GALNT14: variants seen among roughly 807,000 people sequenced by gnomAD.
The protein encoded by GALNT14 is UDP-GalNAc:polypeptide N-acetylgalactosaminyltransferase 14.
GALNT14 carries 60 observed loss-of-function variants against 77.5 expected under a neutral mutation model. That is an observed-to-expected ratio of 0.77 (90% CI 0.63 to 0.96). The LOEUF is 0.96. Ranked by LOEUF, GALNT14 falls within the 40% of genes least tolerant of loss-of-function variation. GALNT14 has a pLI of 0.00. For missense variants in GALNT14, 710 were observed against 731.0 expected, an observed-to-expected ratio of 0.97 and a Z score of 0.33; for synonymous variants, 280 against 281.7, an observed-to-expected ratio of 0.99 and a Z score of 0.06.
intron 9 of GALNT14, among the ~76,000 whole-genome samples, chr2:30,940,281 T>G (rs1480062821): frequency 6.6e-6 from 1 of 152,150 alleles, no homozygotes; most frequent in African/African-American, 2.4e-5. Context: ...TGTGTTAACA[T>G]TGCTATAAGG....
intron 1 of GALNT14, among the ~76,000 whole-genome samples, chr2:30,995,294 G>A (rs1669961490): frequency 6.6e-6 from 1 of 152,024 alleles, no homozygotes; most frequent in Non-Finnish European, 1.5e-5. Context: ...TACCTTTTCT[G>A]TTTTGATATG....
chr2:31,120,929 G>A (rs1343924777), intron 1 of GALNT14, among the ~76,000 whole-genome samples: 1 of 152,194 alleles, frequency 6.6e-6, no homozygotes, highest in Non-Finnish European at 1.5e-5. Flanking sequence ...CACTGTGTTA[G>A]GACCATTCCT....
intron 2 of GALNT14, 40 bp downstream of exon 2, chr2:30,992,798 T>C: frequency 6.2e-7 from 1 of 1,602,712 alleles, no homozygotes; most frequent in Middle Eastern, 1.7e-4. Flanking sequence ...TTGATCTCTT[T>C]TGACTGCGGG....
chr2:30,896,613 T>G, the GALNT14 span, among the ~76,000 whole-genome samples: 1 of 152,214 alleles, frequency 6.6e-6, no homozygotes, highest in Admixed American at 6.5e-5. Flanking sequence ...GCAAGCACTG[T>G]ATAAGTGGTT....
In GALNT14 at chr2:31,093,055, G is replaced by A. The variant is rs145537324; in HGVS notation, c.129+44903C>T. On this transcript the variant is annotated intron_variant, in intron 1 of 14. Coordinates refer to ENST00000349752, the MANE Select transcript of GALNT14 (RefSeq NM_024572.4). ...TCCTGTCTGAGGTTCGTTCCATCAG[G>A]GTCCTTTACCTAAGAACTTGAGAGC... Among the ~76,000 whole-genome samples the A allele has an allele frequency of 7.7e-3, 1,170 of 152,242 alleles. 23 individuals are homozygous for A. The highest frequency in any genetic ancestry group is 0.039 in the Admixed American group (597 of 15,292).
At chr2:30,992,816 G>A (rs777929256) in intron 2 of GALNT14, 22 bp downstream of exon 2, 2 of 1,610,062 alleles carry the variant, frequency 1.2e-6, no homozygotes, top group South Asian at 1.1e-5. Context: ...GGGGGTAACA[G>A]AGTGGGAGAA....
At chr2:31,123,181 C>CAAAA (rs11397679) in intron 1 of GALNT14, among the ~76,000 whole-genome samples, 24 of 96,666 alleles carry the variant, frequency 2.5e-4, no homozygotes, top group South Asian at 8.6e-4. Context: ...GACTCCATCT[C>CAAAA]AAAAAAAAAA....
At chr2:30,963,311 G>A (rs1355388031) in intron 3 of GALNT14, among the ~76,000 whole-genome samples, 1 of 152,228 alleles carries the variant, frequency 6.6e-6, no homozygotes, top group Non-Finnish European at 1.5e-5. Context: ...GCTGACGCCT[G>A]ATGCCTCTGC....
At chr2:30,890,332 G>A in the GALNT14 span, among the ~76,000 whole-genome samples, 8 of 152,150 alleles carry the variant, frequency 5.3e-5, no homozygotes, top group Non-Finnish European at 1.2e-4. Context: ...AATCAGTCAG[G>A]AGACTGAGCT....
At chr2:31,078,903 G>T (rs987023446) in intron 1 of GALNT14, 13 of 1,288,794 alleles carry the variant, frequency 1.0e-5, no homozygotes, top group Non-Finnish European at 1.3e-5. Context: ...GACCAGGAGA[G>T]CAAAGGACTA....
rs1056018670 is a variant in GALNT14, at chr2:31,132,953, T to C, written c.129+5005A>G. ...CAGATCCTACACTGGGTGGATCAGC[T>C]AGCGCCACCCAGATCGATAAACTGG... On this transcript the variant is annotated intron_variant, in intron 1 of 14. Coordinates refer to ENST00000349752, the MANE Select transcript of GALNT14 (RefSeq NM_024572.4). Among the ~76,000 whole-genome samples, 8 of 152,154 alleles carry C rather than the reference T, an allele frequency of 5.3e-5. 1 individual carries two copies. Among genetic ancestry groups the C allele is most frequent in the Admixed American group, 4.6e-4 (7 of 15,280 alleles).
At chr2:31,089,511 C>T (rs73921466) in intron 1 of GALNT14, among the ~76,000 whole-genome samples, 349 of 152,226 alleles carry the variant, frequency 2.3e-3, no homozygotes, top group African/African-American at 8.1e-3. Context: ...TTTCTGGAGA[C>T]GGACACGTTT....
intron 1 of GALNT14, among the ~76,000 whole-genome samples, chr2:31,030,226 G>T (rs1197716781): frequency 1.3e-5 from 2 of 152,128 alleles, no homozygotes; most frequent in African/African-American, 4.8e-5. Context: ...GATCTGTGGG[G>T]ACTGGTGCCA....
the GALNT14 span, among the ~76,000 whole-genome samples, chr2:30,898,488 G>A: frequency 4.6e-5 from 7 of 152,236 alleles, no homozygotes; most frequent in South Asian, 4.1e-4. Context: ...TCAATCTCAC[G>A]GTAAAATTAT....
rs1553351610 is a variant in GALNT14, at chr2:30,989,579, T to TATATATATATATATATATATACAC, written c.299+3258_299+3259insGTGTATATATATATATATATATAT. ...AATACCTTATATATATATATATATA[T>TATATATATATATATATATATACAC]ATAAAAATATATATATTAGTAGATA... On this transcript the variant is annotated intron_variant, in intron 2 of 14. Transcript: ENST00000349752. Among the ~76,000 whole-genome samples the TATATATATATATATATATATACAC allele has an allele frequency of 4.7e-5, 6 of 127,194 alleles. No homozygotes were observed. The South Asian group carries it at 7.1e-4, about 15-fold the overall frequency. The allele number at this position is 127,194 out of a possible 152,430, so 83.4% of individuals were successfully genotyped here.
At chr2:31,056,112 C>T (rs1674191837) in intron 1 of GALNT14, among the ~76,000 whole-genome samples, 1 of 152,198 alleles carries the variant, frequency 6.6e-6, no homozygotes, top group African/African-American at 2.4e-5. Flanking sequence ...TCATGAAATG[C>T]AGATCCCCAG....
chr2:31,098,356 T>C (rs1310067712), intron 1 of GALNT14, among the ~76,000 whole-genome samples: 6 of 152,186 alleles, frequency 3.9e-5, no homozygotes, highest in Non-Finnish European at 8.8e-5. Flanking sequence ...AGCATTTATA[T>C]ACTTTTCTGT....
At chr2:31,137,781 C>T (rs1679294734) in intron 1 of GALNT14, among the ~76,000 whole-genome samples, 177 bp downstream of exon 1, 1 of 152,182 alleles carries the variant, frequency 6.6e-6, no homozygotes. Context: ...TCCGGAGATG[C>T]CCCCGAGCGT....
intron 3 of GALNT14, among the ~76,000 whole-genome samples, chr2:30,962,714 C>T (rs576481757): frequency 1.5e-4 from 23 of 152,346 alleles, no homozygotes; most frequent in African/African-American, 5.5e-4. Context: ...CCCCAGCTAA[C>T]TCCAGAGCTT....
Sources: gnomAD v4.1 joint callset for allele counts (sites outside exome capture counted in the v4.1 genomes callset) on GRCh38, gnomAD v4.1.1 for gene constraint, MANE v1.5 for transcripts, NCBI Gene and HGNC (gene_info 2026-07-23, HGNC 2026-07-21) for gene names.